PLCH1: variants seen among roughly 807,000 people sequenced by gnomAD.
PLCH1 encodes the protein 1-phosphatidylinositol 4,5-bisphosphate phosphodiesterase eta-1.
In PLCH1, 60 loss-of-function variants were observed where a neutral mutation model predicts 126.7. The observed-to-expected ratio is 0.47, with a 90% CI of 0.38 to 0.59. The LOEUF (loss-of-function observed/expected upper bound fraction) is 0.59, where lower values mean the gene tolerates loss of function less well. Ranked by LOEUF, PLCH1 falls within the 20% of genes least tolerant of loss-of-function variation. The pLI is 0.00. For synonymous variants in PLCH1, 719 were observed against 734.9 expected (o/e 0.98, Z 0.35); for missense variants, 1,723 against 2,040.0 (o/e 0.84, Z 2.99).
Position 155,481,446 on chromosome 3 carries a change from G to A in PLCH1, c.4580C>T (p.Ser1527Leu), listed in dbSNP as rs767028527. The A allele has an allele frequency of 1.2e-5, 20 of 1,614,036 alleles. No individual in the cohort carries two copies. The highest frequency in any genetic ancestry group is 2.7e-5 in the African/African-American group (2 of 74,920). Residue 1527 changes from serine (S) to leucine (L), a missense_variant, in exon 23 of 23, where the codon TCG becomes TTG. Ser to Leu is a moderately radical substitution (Grantham distance 145). This residue lies in a region of PLCH1 where 947 missense variants were observed against 977.1 expected (regional missense o/e 0.97). Transcript: ENST00000460012. This position sits in a 1 kb window ranked among gnomAD's most constrained non-coding sequence, Gnocchi z 4.2. Reference protein sequence around the residue: ...DKKGVTVKTKSLEPIDALTEQ... With the variant: ...DKKGVTVKTKLLEPIDALTEQ... The stretch of plus-strand genomic sequence containing the variant: ...GGTCAGGGCATCTATAGGCTCTAAC[G>A]ACTTTGTCTTCACAGTCACGCCCTT...
At chr3:155,570,168 C>T (rs1016359091) in intron 6 of PLCH1, among the ~76,000 whole-genome samples, 1 of 152,070 alleles carries the variant, frequency 6.6e-6, no homozygotes, top group Non-Finnish European at 1.5e-5. Flanking sequence ...GACTCCCAAC[C>T]TTCCCCATCC....
intron 2 of PLCH1, among the ~76,000 whole-genome samples, chr3:155,685,583 A>C (rs1744873442): frequency 1.3e-5 from 2 of 152,224 alleles, no homozygotes; most frequent in South Asian, 4.1e-4. Context: ...ATAAGCAATC[A>C]AAAAGACTTC....
At chr3:155,612,039 A>G (rs1385746719) in intron 2 of PLCH1, among the ~76,000 whole-genome samples, 3 of 152,274 alleles carry the variant, frequency 2.0e-5, no homozygotes, top group African/African-American at 7.2e-5. Context: ...AACTTTGGCC[A>G]GGCATGGTGG....
chr3:155,484,680 A>G (rs1489074876), intron 22 of PLCH1, among the ~76,000 whole-genome samples: 1 of 152,192 alleles, frequency 6.6e-6, no homozygotes, highest in Non-Finnish European at 1.5e-5. Context: ...ATTCTCTGGC[A>G]CACTGCAAGG....
intron 2 of PLCH1, among the ~76,000 whole-genome samples, chr3:155,682,150 G>A (rs1301544559): frequency 6.6e-6 from 1 of 152,190 alleles, no homozygotes; most frequent in East Asian, 1.9e-4. Context: ...CTGGAAATAT[G>A]CTTTCAGTTT....
chr3:155,686,573 G>A (rs1198784452), intron 2 of PLCH1, among the ~76,000 whole-genome samples: 2 of 152,156 alleles, frequency 1.3e-5, no homozygotes, highest in African/African-American at 4.8e-5. Context: ...CAGGGACTCA[G>A]TTGTCACCAC....
intron 4 of PLCH1, among the ~76,000 whole-genome samples, chr3:155,592,708 T>C (rs1398562331): frequency 6.6e-6 from 1 of 152,176 alleles, no homozygotes; most frequent in African/African-American, 2.4e-5. Flanking sequence ...ATCTCAGGTC[T>C]CTTGTTTATG....
rs535732345 is a variant in PLCH1 at position 155,633,127 on chromosome 3, G to A, written c.80-36749C>T. On this transcript the variant is annotated intron_variant, in intron 2 of 22. Transcript: ENST00000460012. ...GTCAGGAGACGTTTTAGATCATGAG[G>A]AGGGTCACCCTGGAGGGGAGAAAGG... is the stretch of plus-strand genomic sequence containing the variant. Among the ~76,000 whole-genome samples the A allele has an allele frequency of 3.9e-5, 6 of 152,168 alleles. No individual in the cohort carries two copies. The East Asian group carries it at 1.2e-3, about 29-fold the overall frequency.
intron 2 of PLCH1, among the ~76,000 whole-genome samples, chr3:155,665,930 G>A (rs547824149): frequency 1.3e-5 from 2 of 152,286 alleles, no homozygotes; most frequent in Admixed American, 1.3e-4. Context: ...AAATGGAAAT[G>A]TAAGATAATA....
chr3:155,500,425 G>A (rs978735747), intron 14 of PLCH1, among the ~76,000 whole-genome samples: 2 of 152,152 alleles, frequency 1.3e-5, no homozygotes, highest in African/African-American at 2.4e-5. Context: ...GACGGTCTTT[G>A]TATTAGTTCA....
intron 21 of PLCH1, among the ~76,000 whole-genome samples, chr3:155,465,512 C>G (rs939353574): frequency 2.6e-5 from 4 of 152,070 alleles, no homozygotes; most frequent in Admixed American, 2.0e-4. Flanking sequence ...CTTGGGTGAG[C>G]CTCTGAGACT....
chr3:155,516,434 A>G (rs755510630), intron 11 of PLCH1, among the ~76,000 whole-genome samples: 64 of 151,828 alleles, frequency 4.2e-4, no homozygotes, highest in Non-Finnish European at 8.1e-4. Context: ...ATGAATTAAG[A>G]ATGTTCTGTA....
chr3:155,669,202 T>C (rs1212207647), intron 2 of PLCH1, among the ~76,000 whole-genome samples: 1 of 148,642 alleles, frequency 6.7e-6, no homozygotes, highest in Non-Finnish European at 1.5e-5. Context: ...TAAGTAGTAA[T>C]GAGAGAATAT....
chr3:155,505,593 G>A (rs1411579876), intron 12 of PLCH1, among the ~76,000 whole-genome samples: 1 of 152,106 alleles, frequency 6.6e-6, no homozygotes, highest in Non-Finnish European at 1.5e-5. Flanking sequence ...TGCAAGTAGG[G>A]GTAGGAAGAG....
chr3:155,485,902 T>G (rs1714998428), intron 21 of PLCH1, 192 bp from the exon 22 acceptor site: 1 of 601,392 alleles, frequency 1.7e-6, no homozygotes, highest in Non-Finnish European at 2.9e-6. Context: ...AACCTTACTT[T>G]GCAAGGACTT....
intron 9 of PLCH1, among the ~76,000 whole-genome samples, chr3:155,553,503 T>C (rs1726406072): frequency 6.6e-6 from 1 of 151,884 alleles, no homozygotes; most frequent in African/African-American, 2.4e-5. Context: ...GGCAAAACCT[T>C]AGAAAACAGT....
In PLCH1 at chr3:155,594,045, G is replaced by A; in HGVS notation, c.366C>T (p.Thr122=). The A allele has an allele frequency of 6.2e-7, 1 of 1,614,042 alleles. No individual in the cohort carries two copies. The highest frequency in any genetic ancestry group is 8.5e-7 in the Non-Finnish European group (1 of 1,180,016). The change falls in exon 4 of 23, where the codon ACC becomes ACT. Residue 122 remains threonine, a synonymous_variant. Coordinates refer to ENST00000460012, the MANE Select transcript of PLCH1 (RefSeq NM_014996.4). ...AGGTGCGGGCCTCCTCGGGGTTGGA[G>A]GTGATGAGGTCCAGGGACTCCATGT... ...GNHMESLDLI[T]SNPEEARTWI...
intron 21 of PLCH1, among the ~76,000 whole-genome samples, chr3:155,468,623 C>G (rs550418029): frequency 6.6e-6 from 1 of 152,212 alleles, no homozygotes; most frequent in African/African-American, 2.4e-5. Context: ...GATTTCAAGA[C>G]AAAAACTATA....
At chr3:155,696,839 TTTA>T (rs1559943871) in intron 2 of PLCH1, among the ~76,000 whole-genome samples, 2 of 152,158 alleles carry the variant, frequency 1.3e-5, no homozygotes, top group African/African-American at 2.4e-5. Context: ...TGGCCACAGG[TTTA>T]TGAGAAAGAG....
Sources: gnomAD v4.1 joint callset for allele counts (sites outside exome capture counted in the v4.1 genomes callset) on GRCh38, gnomAD v4.1.1 for gene constraint, gnomAD v4.1.1 regional missense constraint, Gnocchi (gnomAD v3.1) non-coding constraint, MANE v1.5 for transcripts, NCBI Gene and HGNC (gene_info 2026-07-23, HGNC 2026-07-21) for gene names.